Variants in IMPG1 observed in about 807,000 individuals in gnomAD.
The protein encoded by IMPG1 is interphotoreceptor matrix proteoglycan 1.
IMPG1 carries 85 observed loss-of-function variants against 92.0 expected under a neutral mutation model. The ratio of observed to expected loss-of-function variants is 0.92; its 90% CI spans 0.78 to 1.11. IMPG1 has a LOEUF of 1.11. IMPG1 is among the 50% of genes least tolerant of loss of function. IMPG1 has a pLI of 0.00. For synonymous variants in IMPG1, 367 were observed against 334.1 expected, an observed-to-expected ratio of 1.10 and a Z score of -1.08; for missense variants, 1,022 against 956.0, an observed-to-expected ratio of 1.07 and a Z score of -0.91.
chr6:75,962,202 C>T (rs992387853), intron 12 of IMPG1, among the ~76,000 whole-genome samples: 1 of 150,278 alleles, frequency 6.7e-6, no homozygotes, highest in Non-Finnish European at 1.5e-5. Flanking sequence ...TCACTGCAGC[C>T]TTAAACTCCC....
chr6:75,948,381 A>C (rs1781965113), intron 13 of IMPG1, among the ~76,000 whole-genome samples: 2 of 152,138 alleles, frequency 1.3e-5, no homozygotes, highest in African/African-American at 2.4e-5. Context: ...CTCCTCATTC[A>C]TGAATTGTAC....
At chr6:75,990,426 C>T (rs1192918688) in intron 12 of IMPG1, among the ~76,000 whole-genome samples, 1 of 152,154 alleles carries the variant, frequency 6.6e-6, no homozygotes, top group African/African-American at 2.4e-5. Flanking sequence ...TAAATTCCCT[C>T]TGAGATTGAT....
chr6:76,049,116 C>G (rs1046075459), intron 1 of IMPG1, among the ~76,000 whole-genome samples: 1 of 152,202 alleles, frequency 6.6e-6, no homozygotes, highest in African/African-American at 2.4e-5. Context: ...CCAAATACTA[C>G]GTGTTATAAG....
chr6:75,977,823 A>G lies in IMPG1; in HGVS notation c.1291+25095T>C, dbSNP rs956174081. On this transcript the variant is annotated intron_variant, in intron 12 of 16. Coordinates refer to ENST00000369950, the MANE Select transcript of IMPG1 (RefSeq NM_001563.4). ...TCTGAAGTGACTTCATGGTACACTC[A>G]TTAAATGTGATACCTTAGCTACAAA... Among the ~76,000 whole-genome samples, 17 of 152,144 alleles carry G rather than the reference A, an allele frequency of 1.1e-4. 1 individual carries two copies. The highest frequency in any genetic ancestry group is 2.2e-4 in the Non-Finnish European group (15 of 67,998).
intron 12 of IMPG1, among the ~76,000 whole-genome samples, chr6:75,965,866 CA>C (rs1782300856): frequency 6.6e-6 from 1 of 152,120 alleles, no homozygotes; most frequent in Non-Finnish European, 1.5e-5. Flanking sequence ...CTTGGCCTCC[CA>C]AAGTGCTAGG....
intron 14 of IMPG1, among the ~76,000 whole-genome samples, chr6:75,943,661 G>C (rs1330013229): frequency 6.6e-6 from 1 of 152,330 alleles, no homozygotes; most frequent in East Asian, 1.9e-4. Flanking sequence ...CCCCAGCCCT[G>C]GACCTTAGTG....
intron 4 of IMPG1, among the ~76,000 whole-genome samples, chr6:76,028,551 C>T (rs549947755): frequency 4.4e-4 from 67 of 152,252 alleles, no homozygotes; most frequent in Admixed American, 1.3e-3. Flanking sequence ...AAGTAAGGGC[C>T]GGACACGGTG....
At chr6:75,933,536 C>T (rs1425039998) in intron 14 of IMPG1, among the ~76,000 whole-genome samples, 2 of 152,118 alleles carry the variant, frequency 1.3e-5, no homozygotes, top group African/African-American at 4.8e-5. Flanking sequence ...ACAGTCTCTC[C>T]ACAGAGACAG....
chr6:76,001,140 A>T (rs948635968), intron 12 of IMPG1, among the ~76,000 whole-genome samples: 3 of 152,236 alleles, frequency 2.0e-5, no homozygotes, highest in Non-Finnish European at 2.9e-5. Context: ...AAAGGAATGT[A>T]TAAATAAAAT....
chr6:76,057,619 C>T (rs142850755), intron 1 of IMPG1, among the ~76,000 whole-genome samples: 2,196 of 152,188 alleles, frequency 0.014, 55 homozygotes, highest in African/African-American at 0.05. Context: ...AAAATTCCCT[C>T]TTAAGGGTAT....
chr6:76,010,294 G>A lies in IMPG1; in HGVS notation c.866+872C>T, dbSNP rs115805594. Among the ~76,000 whole-genome samples, 955 of 152,340 alleles carry A rather than the reference G, an allele frequency of 6.3e-3. 11 individuals carry two copies. The highest frequency in any genetic ancestry group is 0.021 in the African/African-American group (875 of 41,578). On this transcript the variant is annotated intron_variant, in intron 8 of 16. Transcript: ENST00000369950. The stretch of plus-strand genomic sequence containing the variant: ...CCACGCTCCCTGGTTTACAAAGCTC[G>A]TTTGGGGCAAGAAATCTCATTCTGT...
chr6:75,999,990 G>C (rs1440336115), intron 12 of IMPG1, among the ~76,000 whole-genome samples: 1 of 152,188 alleles, frequency 6.6e-6, no homozygotes, highest in African/African-American at 2.4e-5. Flanking sequence ...CTTGACACTG[G>C]TTTTACACAG....
At chr6:76,019,534 T>C (rs1267214506) in intron 6 of IMPG1, among the ~76,000 whole-genome samples, 1 of 152,200 alleles carries the variant, frequency 6.6e-6, no homozygotes, top group African/African-American at 2.4e-5. Flanking sequence ...TGGTAGCATA[T>C]GTATTTCCTC....
chr6:76,043,233 G>A (rs906266357), intron 1 of IMPG1, among the ~76,000 whole-genome samples: 4 of 151,710 alleles, frequency 2.6e-5, no homozygotes, highest in Non-Finnish European at 5.9e-5. Flanking sequence ...GAACAGTTGG[G>A]ACCTCTTACT....
intron 14 of IMPG1, among the ~76,000 whole-genome samples, chr6:75,938,523 C>A (rs570753159): frequency 6.6e-6 from 1 of 152,308 alleles, no homozygotes; most frequent in South Asian, 2.1e-4. Flanking sequence ...ACAGCAAATA[C>A]TATTCTGGGC....
intron 8 of IMPG1, among the ~76,000 whole-genome samples, chr6:76,008,583 T>C (rs1190162348): frequency 6.6e-6 from 1 of 152,212 alleles, no homozygotes; most frequent in East Asian, 1.9e-4. Context: ...TGAGACTTCC[T>C]TCTCTACCAA....
At chr6:76,028,896 C>T (rs1385379171) in intron 4 of IMPG1, among the ~76,000 whole-genome samples, 1 of 152,168 alleles carries the variant, frequency 6.6e-6, no homozygotes, top group African/African-American at 2.4e-5. Flanking sequence ...TGCCTGGTTC[C>T]TTTCGAATTT....
At chr6:75,965,887 A>T (rs148269658) in intron 12 of IMPG1, among the ~76,000 whole-genome samples, 11 of 152,250 alleles carry the variant, frequency 7.2e-5, no homozygotes, top group African/African-American at 1.4e-4. Flanking sequence ...GATTACAGGC[A>T]TGAGCCACCA....
At chr6:75,997,524 G>A (rs920104977) in intron 12 of IMPG1, among the ~76,000 whole-genome samples, 4 of 152,146 alleles carry the variant, frequency 2.6e-5, no homozygotes, top group South Asian at 2.1e-4. Flanking sequence ...CATCACATGA[G>A]GTGGAGCTGA....
Sources: gnomAD v4.1 joint callset for allele counts (sites outside exome capture counted in the v4.1 genomes callset) on GRCh38, gnomAD v4.1.1 for gene constraint, MANE v1.5 for transcripts, NCBI Gene and HGNC (gene_info 2026-07-23, HGNC 2026-07-21) for gene names.